The following ANO6 variants were observed in gnomAD, a reference collection of about 807,000 sequenced individuals.
The protein encoded by ANO6 is anoctamin 6.
In ANO6, 106 loss-of-function variants were observed where a neutral mutation model predicts 117.5. The ratio of observed to expected loss-of-function variants is 0.90; its 90% CI spans 0.77 to 1.06. The LOEUF (loss-of-function observed/expected upper bound fraction) is 1.06. Among genes scored for constraint, ANO6 ranks in the 50% least tolerant of loss-of-function variants. The pLI, the probability that ANO6 is intolerant of heterozygous loss-of-function variation, is 0.00. For missense variants in ANO6, 955 were observed against 1,121.1 expected (o/e 0.85, Z 2.12); for synonymous variants, 367 against 385.1 (o/e 0.95, Z 0.55).
Position 45,301,937 on chromosome 12 carries a change from G to A in ANO6, c.71-77G>A, listed in dbSNP as rs1939502548. 11 of 1,220,884 alleles carry A rather than the reference G, an allele frequency of 9.0e-6. No individual in the cohort carries two copies. The East Asian group carries it at 2.6e-4, about 28-fold the overall frequency. 75.6% of individuals were successfully genotyped at this position (1,220,884 alleles called of 1,614,324 possible). ...CTACCAATGTTAATAACCCGGTGCT[G>A]CTGATTTAAAAGTACAGAACTACGT... On this transcript the variant is annotated intron_variant, in intron 1 of 19. Transcript: ENST00000320560.
At chr12:45,343,862 C>G (rs1271985058) in intron 3 of ANO6, among the ~76,000 whole-genome samples, 1 of 151,868 alleles carries the variant, frequency 6.6e-6, no homozygotes, top group Non-Finnish European at 1.5e-5. Flanking sequence ...ATCTCTGGAA[C>G]TGGCATTTGC....
At position 45,322,227 on chromosome 12, in the gene ANO6, T is replaced by C. The variant is rs531890128; in HGVS notation, c.151-9068T>C. Among the ~76,000 whole-genome samples, 10 of 152,014 alleles carry C rather than the reference T, an allele frequency of 6.6e-5. No individual in the cohort carries two copies. In the South Asian group the frequency reaches 1.5e-3, roughly 22 times the overall value. ...AGAAAGAAACATGAACCCAAGTTGG[T>C]AGGAAGGCTTGGAAGTTCTTCCAAG... is the stretch of plus-strand genomic sequence containing the variant. On this transcript the variant is annotated intron_variant, in intron 2 of 19. Transcript: ENST00000320560.
At chr12:45,372,588 A>G (rs1408275904) in intron 9 of ANO6, among the ~76,000 whole-genome samples, 2 of 147,364 alleles carry the variant, frequency 1.4e-5, no homozygotes, top group African/African-American at 5.1e-5. Context: ...TTTTCAACCC[A>G]GAATTTCATA....
chr12:45,395,587 C>A (rs565188571), intron 12 of ANO6, among the ~76,000 whole-genome samples: 1 of 152,276 alleles, frequency 6.6e-6, no homozygotes, highest in East Asian at 1.9e-4. Flanking sequence ...ATGTGAAAAT[C>A]CACAATAAAA....
At position 45,416,902 on chromosome 12, in the gene ANO6, A is replaced by C; in HGVS notation, c.2215A>C (p.Asn739His). ...AATAGCAATTCTGGCTGTGGTGACC[A>C]ATGTGAGTAGACCTAAGCTTTACAG... is the stretch of plus-strand genomic sequence containing the variant. ...QGIAILAVVT[N>H]AMIIAFTSDM... The change falls in exon 17 of 20, where the codon AAT becomes CAT. Residue 739 changes from asparagine (N) to histidine (H), a missense_variant and splice_region_variant. Coordinates refer to ENST00000320560, the MANE Select transcript of ANO6 (RefSeq NM_001025356.3). 1 of 1,614,128 alleles carries C rather than the reference A, an allele frequency of 6.2e-7. No homozygotes were observed. The highest frequency in any genetic ancestry group is 2.2e-5 in the East Asian group (1 of 44,874).
chr12:45,427,574 T>C (rs1315405256), intron 19 of ANO6, among the ~76,000 whole-genome samples: 1 of 152,180 alleles, frequency 6.6e-6, no homozygotes, highest in Non-Finnish European at 1.5e-5. Context: ...ACACCATGAA[T>C]AATTTGTTTT....
intron 17 of ANO6, 44 bp downstream of exon 17, chr12:45,416,948 A>G (rs780386198): frequency 1.3e-6 from 2 of 1,589,182 alleles, no homozygotes; most frequent in Non-Finnish European, 1.7e-6. Flanking sequence ...TTGAAGATGC[A>G]TTAGATTTGC....
In ANO6 at chr12:45,345,793, C is replaced by T. The variant is rs193116798; in HGVS notation, c.280-1229C>T. ...ACCCAGGAAGTGTGGTTACAGAGCT[C>T]ATTCTGGTCCATTTTGTGCTGCTGT... On this transcript the variant is annotated intron_variant, in intron 3 of 19. Coordinates refer to ENST00000320560, the MANE Select transcript of ANO6 (RefSeq NM_001025356.3). Among the ~76,000 whole-genome samples the T allele has an allele frequency of 2.0e-5, 3 of 152,194 alleles. No homozygotes were observed. In the East Asian group the frequency reaches 5.8e-4, roughly 29 times the overall value.
At chr12:45,240,170 A>G (rs1030206540) in intron 1 of ANO6, among the ~76,000 whole-genome samples, 3 of 151,980 alleles carry the variant, frequency 2.0e-5, no homozygotes, top group Admixed American at 2.0e-4. Flanking sequence ...GTCTCTTTGT[A>G]GGTCTCCAAG....
chr12:45,318,731 T>C (rs1024697612), intron 2 of ANO6, among the ~76,000 whole-genome samples: 1 of 152,256 alleles, frequency 6.6e-6, no homozygotes, highest in African/African-American at 2.4e-5. Context: ...GCCATTTTCA[T>C]GATATTGATT....
Position 45,376,995 on chromosome 12 carries a change from C to T in ANO6, c.1105-1058C>T, listed in dbSNP as rs551668310. On this transcript the variant is annotated intron_variant, in intron 9 of 19. Transcript: ENST00000320560. ...TTGAAAATTAGATGGATGAGAATGT[C>T]GCTATTCTTTTATGAAGATAACTAA... is the stretch of plus-strand genomic sequence containing the variant. 3.6e-4 allele frequency among the ~76,000 whole-genome samples: 54 copies of T among 151,946 alleles called. 1 individual carries two copies. The South Asian group carries it at 9.4e-3, about 26-fold the overall frequency.
chr12:45,244,632 T>C (rs1049173752), intron 1 of ANO6, among the ~76,000 whole-genome samples: 1 of 152,128 alleles, frequency 6.6e-6, no homozygotes, highest in East Asian at 1.9e-4. Flanking sequence ...GAGTCAAGAT[T>C]TGTTAACTGC....
chr12:45,371,392 T>C (rs1941830602), intron 9 of ANO6, among the ~76,000 whole-genome samples: 1 of 152,184 alleles, frequency 6.6e-6, no homozygotes, highest in Non-Finnish European at 1.5e-5. Flanking sequence ...CTCTGTAGGC[T>C]CCACCTCTGG....
At chr12:45,399,342 C>A (rs1050971654) in intron 12 of ANO6, among the ~76,000 whole-genome samples, 1 of 152,056 alleles carries the variant, frequency 6.6e-6, no homozygotes, top group Non-Finnish European at 1.5e-5. Context: ...ATTACAGGCA[C>A]CTGCCACCAC....
At chr12:45,369,211 TCA>T (rs1391695618) in intron 9 of ANO6, among the ~76,000 whole-genome samples, 1 of 152,178 alleles carries the variant, frequency 6.6e-6, no homozygotes, top group Non-Finnish European at 1.5e-5. Flanking sequence ...CTGTTGTAGA[TCA>T]CACAGAGTAA....
At chr12:45,394,413 C>A (rs1158626222) in intron 12 of ANO6, among the ~76,000 whole-genome samples, 1 of 152,054 alleles carries the variant, frequency 6.6e-6, no homozygotes, top group East Asian at 1.9e-4. Context: ...ACTTTAACAC[C>A]CCACTGTCAA....
chr12:45,244,408 G>GC (rs1197418048), intron 1 of ANO6, among the ~76,000 whole-genome samples: 1 of 148,888 alleles, frequency 6.7e-6, no homozygotes, highest in East Asian at 2.0e-4. Flanking sequence ...CTATTTGGGG[G>GC]GGGGGGGTGG....
intron 9 of ANO6, among the ~76,000 whole-genome samples, chr12:45,372,297 A>T (rs1230510716): frequency 2.2e-5 from 3 of 136,734 alleles, no homozygotes; most frequent in African/African-American, 8.4e-5. Context: ...GCAGGATATT[A>T]TCCAGGAGAA....
intron 10 of ANO6, among the ~76,000 whole-genome samples, chr12:45,383,988 C>G (rs1942233321): frequency 1.3e-5 from 2 of 152,220 alleles, no homozygotes; most frequent in African/African-American, 4.8e-5. Flanking sequence ...CAATGGGAGG[C>G]TATTTCATCT....
Sources: gnomAD v4.1 joint callset for allele counts (sites outside exome capture counted in the v4.1 genomes callset) on GRCh38, gnomAD v4.1.1 for gene constraint, MANE v1.5 for transcripts, NCBI Gene and HGNC (gene_info 2026-07-23, HGNC 2026-07-21) for gene names.